PPFIA3: variants seen among roughly 807,000 people sequenced by gnomAD.
The protein encoded by PPFIA3 is liprin-alpha-3.
PPFIA3 carries 26 observed loss-of-function variants against 145.8 expected under a neutral mutation model. That is an observed-to-expected ratio of 0.18 (90% CI 0.13 to 0.25). The LOEUF (loss-of-function observed/expected upper bound fraction) is 0.25. Ranked by LOEUF, PPFIA3 falls within the 10% of genes least tolerant of loss-of-function variation. The probability of loss-of-function intolerance (pLI) is 1.00; values close to 1 mark genes in which losing one functional copy is unlikely to be tolerated. For missense variants in PPFIA3, 1,008 were observed against 1,587.8 expected, an observed-to-expected ratio of 0.63 and a Z score of 6.21; for synonymous variants, 645 against 661.4, an observed-to-expected ratio of 0.98 and a Z score of 0.38.
rs926537117 is a variant in PPFIA3 at position 49,119,551 on chromosome 19, AAGCCGG to A, written c.-182_-177del. The stretch of plus-strand genomic sequence containing the variant: ...AGGGGGAGGGGGGTCCCCAGCGCCC[AAGCCGG>A]AGCCAGAGACGCGGAGCCCGCGCGA... On this transcript the variant is annotated 5_prime_UTR_variant, in exon 1 of 30. Coordinates refer to ENST00000334186, the MANE Select transcript of PPFIA3 (RefSeq NM_003660.4). The A allele has an allele frequency of 1.3e-5, 2 of 153,732 alleles. No individual in the cohort carries two copies. The highest frequency in any genetic ancestry group is 4.9e-5 in the African/African-American group (2 of 41,188). 9.5% of individuals were successfully genotyped at this position (153,732 alleles called of 1,614,324 possible).
Position 49,149,699 on chromosome 19 carries a change from C to T in PPFIA3, c.3507C>T (p.Leu1169=). Reference sequence around the variant, plus strand: ...CCCTGGGCTCTCCGGGGCTCCCTCTCCGCAAGCTGCAGCCAGAAGGTGGGG... The same window carrying T: ...CCCTGGGCTCTCCGGGGCTCCCTCTTCGCAAGCTGCAGCCAGAAGGTGGGG... The part of the protein sequence containing the change: ...AGALGSPGLP[L]RKLQPEGQTS... Residue 1169 remains leucine, a synonymous_variant, in exon 28 of 30, where the codon CTC becomes CTT. Coordinates refer to ENST00000334186, the MANE Select transcript of PPFIA3 (RefSeq NM_003660.4). This position sits in a 1 kb window ranked among gnomAD's most constrained non-coding sequence, Gnocchi z 5.7. 2.5e-6 allele frequency: 4 copies of T among 1,611,074 alleles called. No individual in the cohort carries two copies. The highest frequency in any genetic ancestry group is 3.4e-6 in the Non-Finnish European group (4 of 1,178,520).
Position 49,128,420 on chromosome 19 carries a change from G to C in PPFIA3, c.294G>C (p.Glu98Asp), listed in dbSNP as rs757661523. The change falls in exon 3 of 30, where the codon GAG becomes GAC. Residue 98 changes from glutamate to aspartate, a missense_variant. By Grantham distance (45) the Glu-to-Asp change is conservative. Transcript: ENST00000334186. This position sits in a 1 kb window ranked among gnomAD's most constrained non-coding sequence, Gnocchi z 4.1. ...ACTTATGTCGGGAGCAGCTGCTGGA[G>C]AGGGAGGAAGAGATTGCAGAGCTGA... ...ELNLCREQLL[E>D]REEEIAELKA... is the part of the protein sequence containing the mutation. The C allele has an allele frequency of 9.2e-5, 148 of 1,613,110 alleles. No individual in the cohort carries two copies. The highest frequency in any genetic ancestry group is 1.6e-4 in the Middle Eastern group (1 of 6,082).
In PPFIA3 at chr19:49,148,229, C is replaced by T. The variant is rs2041302069; in HGVS notation, c.2982C>T (p.Gly994=). 1 of 1,614,096 alleles carries T rather than the reference C, an allele frequency of 6.2e-7. No individual in the cohort carries two copies. The highest frequency in any genetic ancestry group is 1.3e-5 in the African/African-American group (1 of 75,068). The change falls in exon 24 of 30, where the codon GGC becomes GGT. Residue 994 remains glycine, a synonymous_variant. Transcript: ENST00000334186. ...LDHLNKKELR[G]QLKMVDSFHR... ...ACCTTAACAAGAAGGAGCTCCGGGG[C>T]CAACTCAAGATGGTGGACAGCTTTC...
chr19:49,135,289 C>G (rs1452117218), intron 13 of PPFIA3, among the ~76,000 whole-genome samples: 1 of 152,062 alleles, frequency 6.6e-6, no homozygotes, highest in Admixed American at 6.6e-5. Flanking sequence ...TGATCCTCCC[C>G]CCTCGGCCTC....
rs1403431340 is a variant in PPFIA3 at position 49,143,125 on chromosome 19, T to C, written c.2745+121T>C. 19 of 1,173,004 alleles carry C rather than the reference T, an allele frequency of 1.6e-5. No individual in the cohort carries two copies. The East Asian group carries it at 4.6e-4, about 29-fold the overall frequency. 72.7% of individuals were successfully genotyped at this position (1,173,004 alleles called of 1,614,324 possible). ...CCACGACCCTGCTTCTCATTGGCTTTTACCCCCCTCAGCCTCCCCTCCACT... is the reference window on the plus strand; with the variant it reads ...CCACGACCCTGCTTCTCATTGGCTTCTACCCCCCTCAGCCTCCCCTCCACT... On this transcript the variant is annotated intron_variant, in intron 21 of 29. Transcript: ENST00000334186.
In PPFIA3 at chr19:49,133,685, G is replaced by A. The variant is rs1199523710; in HGVS notation, c.1162-111G>A. 3.4e-6 allele frequency: 4 copies of A among 1,181,818 alleles called. No individual in the cohort carries two copies. Among genetic ancestry groups the A allele is most frequent in the Non-Finnish European group, 5.0e-6 (4 of 808,060 alleles). 73.2% of individuals were successfully genotyped at this position (1,181,818 alleles called of 1,614,324 possible). A position where few individuals can be genotyped will look rare whatever the true frequency, so the allele number is the denominator to read the frequency against. On this transcript the variant is annotated intron_variant, in intron 9 of 29. Coordinates refer to ENST00000334186, the MANE Select transcript of PPFIA3 (RefSeq NM_003660.4). The surrounding 1 kb of genome is among the most constrained non-coding windows in gnomAD (Gnocchi z 7.2). The stretch of plus-strand genomic sequence containing the variant: ...GGCCTGACTCAAAGGTGCAGGGGAG[G>A]AGCCTGGCGCTGTGGGGGCGGAGCC...
intron 21 of PPFIA3, among the ~76,000 whole-genome samples, chr19:49,143,811 A>T (rs1209609293): frequency 6.6e-6 from 1 of 152,126 alleles, no homozygotes; most frequent in South Asian, 2.1e-4. Context: ...GTACAGGTTG[A>T]GTGTCCCTTA....
chr19:49,127,416 G>A, intron 1 of PPFIA3, among the ~76,000 whole-genome samples: 1 of 149,060 alleles, frequency 6.7e-6, no homozygotes, highest in African/African-American at 2.5e-5. Context: ...AAGAAAGTAG[G>A]GAAAGGAAAA....
chr19:49,150,178 G>A, intron 29 of PPFIA3, 27 bp downstream of exon 29: 2 of 1,583,914 alleles, frequency 1.3e-6, no homozygotes, highest in East Asian at 2.3e-5. Flanking sequence ...GCGACCTTGG[G>A]GGTGCGGGGC....
At position 49,130,318 on chromosome 19, in the gene PPFIA3, G is replaced by A; in HGVS notation, c.658-60G>A. On this transcript the variant is annotated intron_variant, in intron 6 of 29. Transcript: ENST00000334186. The surrounding 1 kb of genome is among the most constrained non-coding windows in gnomAD (Gnocchi z 4.5). ...TTTCAGCTGATTGACTTTCTCCTTG[G>A]ATTTCCTCTGTGTCTCCGGAGACAC... 7 of 1,448,056 alleles carry A rather than the reference G, an allele frequency of 4.8e-6. No homozygotes were observed. The highest frequency in any genetic ancestry group is 6.6e-6 in the Non-Finnish European group (7 of 1,068,144). The allele number at this position is 1,448,056 out of a possible 1,614,324, so 89.7% of individuals were successfully genotyped here. A position where few individuals can be genotyped will look rare whatever the true frequency, so the allele number is the denominator to read the frequency against.
At chr19:49,131,936 G>C (rs2041077820) in intron 7 of PPFIA3, among the ~76,000 whole-genome samples, 1 of 151,618 alleles carries the variant, frequency 6.6e-6, no homozygotes, top group Non-Finnish European at 1.5e-5. Context: ...CGTGAACCCG[G>C]GAGGCAGAGC....
intron 19 of PPFIA3, 70 bp from the exon 20 acceptor site, chr19:49,141,964 T>G: frequency 8.1e-7 from 1 of 1,238,340 alleles, no homozygotes; most frequent in Non-Finnish European, 1.1e-6. Context: ...TGTGTGCTGA[T>G]GGGGGCCATC....
rs1273436987 is a variant in PPFIA3, at chr19:49,136,810, G to A, written c.1752G>A (p.Gly584=). The A allele has an allele frequency of 6.3e-7, 1 of 1,593,174 alleles. No homozygotes were observed. Among genetic ancestry groups the A allele is most frequent in the African/African-American group, 1.3e-5 (1 of 74,692 alleles). The change falls in exon 15 of 30, where the codon GGG becomes GGA. Residue 584 remains glycine (G), a synonymous_variant. Transcript: ENST00000334186. ...LDGSDEEEAE[G]MFGAELLSPS... Reference sequence around the variant, plus strand: ...GCTCCGATGAGGAGGAGGCAGAGGGGATGTTTGGGGCCGAGCTGCTGTCCC... The same window carrying A: ...GCTCCGATGAGGAGGAGGCAGAGGGAATGTTTGGGGCCGAGCTGCTGTCCC...
intron 15 of PPFIA3, among the ~76,000 whole-genome samples, chr19:49,137,678 GC>G (rs2041157760): frequency 1.8e-5 from 2 of 108,326 alleles, no homozygotes; most frequent in African/African-American, 6.8e-5. Flanking sequence ...TTATTAAGAA[GC>G]CCCCAGTGAT....
Position 49,128,506 on chromosome 19 carries a change from G to A in PPFIA3, c.342+38G>A. ...GAGGGCGGGGCCTAAGTGGGGGCGG[G>A]GCCTCGTGGTGTTGAAGTGGGGGGC... On this transcript the variant is annotated intron_variant, in intron 3 of 29. Transcript: ENST00000334186. The surrounding 1 kb of genome is among the most constrained non-coding windows in gnomAD (Gnocchi z 4.1). 1.3e-6 allele frequency: 2 copies of A among 1,565,592 alleles called. No individual in the cohort carries two copies. The highest frequency in any genetic ancestry group is 1.8e-6 in the Non-Finnish European group (2 of 1,139,968).
intron 1 of PPFIA3, among the ~76,000 whole-genome samples, chr19:49,121,674 G>A (rs1349362275): frequency 3.9e-5 from 6 of 152,178 alleles, no homozygotes; most frequent in African/African-American, 1.2e-4. Flanking sequence ...TACTCAGGAG[G>A]CTGAGGCAGG....
intron 17 of PPFIA3, 54 bp downstream of exon 17, chr19:49,139,885 A>G (rs529299668): frequency 1.6e-5 from 26 of 1,611,856 alleles, no homozygotes; most frequent in Admixed American, 8.3e-5. Flanking sequence ...GAAGATGAGA[A>G]GGGGGTGGAC....
chr19:49,126,770 G>T (rs2041004520), intron 1 of PPFIA3, among the ~76,000 whole-genome samples: 1 of 151,948 alleles, frequency 6.6e-6, no homozygotes, highest in Admixed American at 6.6e-5. Context: ...CATGGTTCTG[G>T]TCTGGGCCTC....
At chr19:49,135,275 C>G (rs186675324) in intron 13 of PPFIA3, among the ~76,000 whole-genome samples, 78 of 152,290 alleles carry the variant, frequency 5.1e-4, no homozygotes, top group Non-Finnish European at 1.0e-3. Context: ...CCCCAGGCCT[C>G]AAGTGATCCT....
Sources: allele counts gnomAD v4.1 joint callset (sites outside exome capture counted in the v4.1 genomes callset), GRCh38; gene constraint gnomAD v4.1.1; non-coding constraint Gnocchi (gnomAD v3.1); transcripts MANE v1.5; gene names NCBI Gene and HGNC (gene_info 2026-07-23, HGNC 2026-07-21).